CSMD3: variants seen among roughly 807,000 people sequenced by gnomAD.
CSMD3 encodes CUB and sushi domain-containing protein 3.
A neutral mutation model predicts 435.2 loss-of-function variants in CSMD3; 177 were observed. The ratio of observed to expected loss-of-function variants is 0.41; its 90% confidence interval spans 0.36 to 0.46. The LOEUF is 0.46. CSMD3 is among the 20% of genes least tolerant of loss of function. The probability of loss-of-function intolerance (pLI) is 0.34; values close to 1 mark genes in which losing one functional copy is unlikely to be tolerated. For missense variants in CSMD3, 4,265 were observed against 4,504.6 expected (o/e 0.95, Z 1.52); for synonymous variants, 1,656 against 1,520.5 (o/e 1.09, Z -2.07).
chr8:112,919,227 CAT>C (rs1378009130), intron 10 of CSMD3, among the ~76,000 whole-genome samples: 53 of 151,850 alleles, frequency 3.5e-4, no homozygotes, highest in African/African-American at 9.4e-4. Context: ...AATATGAATA[CAT>C]ATGTTATATA....
At chr8:112,975,619 A>G (rs2084816847) in intron 7 of CSMD3, among the ~76,000 whole-genome samples, 1 of 151,954 alleles carries the variant, frequency 6.6e-6, no homozygotes, top group African/African-American at 2.4e-5. Flanking sequence ...CCCCTCCAAC[A>G]TTTGCATTGC....
intron 13 of CSMD3, among the ~76,000 whole-genome samples, chr8:112,753,883 T>A (rs868291751): frequency 1.6e-4 from 25 of 152,220 alleles, no homozygotes; most frequent in Admixed American, 1.5e-3. Context: ...TTTAATTGAC[T>A]GAATCATTTT....
chr8:113,412,110 A>T (rs2094562393), intron 1 of CSMD3, among the ~76,000 whole-genome samples: 1 of 152,048 alleles, frequency 6.6e-6, no homozygotes, highest in African/African-American at 2.4e-5. Context: ...AGAGTGTTTG[A>T]TGTTATTACA....
chr8:112,807,574 C>G (rs1426613533), intron 12 of CSMD3, among the ~76,000 whole-genome samples: 1 of 151,800 alleles, frequency 6.6e-6, no homozygotes, highest in Non-Finnish European at 1.5e-5. Context: ...AATAGGAGAG[C>G]AAATTTGGAG....
intron 1 of CSMD3, among the ~76,000 whole-genome samples, chr8:113,323,870 G>A (rs2093965394): frequency 6.6e-6 from 1 of 152,090 alleles, no homozygotes; most frequent in Admixed American, 6.6e-5. Context: ...AGTTTCTCCA[G>A]TAACCTTTCT....
intron 3 of CSMD3, among the ~76,000 whole-genome samples, chr8:113,227,611 G>A (rs533021916): frequency 3.3e-5 from 5 of 151,632 alleles, no homozygotes; most frequent in African/African-American, 4.8e-5. Context: ...GTTTTCTCGC[G>A]ATAGTGAGTT....
chr8:112,971,146 T>C (rs774600618), intron 7 of CSMD3, among the ~76,000 whole-genome samples: 1 of 152,212 alleles, frequency 6.6e-6, no homozygotes, highest in Non-Finnish European at 1.5e-5. Context: ...GTGTTTCTCA[T>C]AATAAATTTG....
chr8:112,698,024 A>T (rs1006820335), intron 13 of CSMD3, among the ~76,000 whole-genome samples: 2 of 152,120 alleles, frequency 1.3e-5, no homozygotes, highest in African/African-American at 4.8e-5. Context: ...GTTAGGTGGC[A>T]GTGGCAGTGG....
In CSMD3 at chr8:112,748,402, G is replaced by T. The variant is rs1055688342; in HGVS notation, c.1972+51760C>A. Among the ~76,000 whole-genome samples the T allele has an allele frequency of 6.6e-5, 10 of 152,178 alleles. No homozygotes were observed. The East Asian group carries it at 1.9e-3, about 29-fold the overall frequency. ...GAAAGTTTGTTACATAGATAAACAG[G>T]TGTCACAGGGGTTTGTTGTACATAT... On this transcript the variant is annotated intron_variant, in intron 13 of 70. Transcript: ENST00000297405.
At chr8:113,266,323 A>T (rs1379908983) in intron 3 of CSMD3, among the ~76,000 whole-genome samples, 2 of 151,376 alleles carry the variant, frequency 1.3e-5, no homozygotes, top group African/African-American at 4.8e-5. Context: ...CAAAGATTAT[A>T]TAAGTCATGC....
intron 14 of CSMD3, among the ~76,000 whole-genome samples, chr8:112,687,950 T>C (rs911801062): frequency 6.6e-6 from 1 of 152,166 alleles, no homozygotes; most frequent in African/African-American, 2.4e-5. Context: ...CTGGAATAAT[T>C]TGATCCTATA....
intron 23 of CSMD3, among the ~76,000 whole-genome samples, chr8:112,582,834 C>G (rs7831258): frequency 6.6e-6 from 1 of 151,978 alleles, no homozygotes; most frequent in Non-Finnish European, 1.5e-5. Context: ...TAAAAGATAC[C>G]TCAAAAAACT....
At chr8:112,258,671 T>G (rs1215484136) in intron 61 of CSMD3, among the ~76,000 whole-genome samples, 2 of 152,176 alleles carry the variant, frequency 1.3e-5, no homozygotes, top group Non-Finnish European at 2.9e-5. Context: ...GCTTTTACAC[T>G]GTTGGTGGGA....
chr8:113,394,172 A>C (rs75917316), intron 1 of CSMD3, among the ~76,000 whole-genome samples: 6 of 151,112 alleles, frequency 4.0e-5, no homozygotes, highest in East Asian at 3.9e-4. Flanking sequence ...ACACACACAC[A>C]CACACACACA....
At chr8:113,359,141 G>A (rs555024724) in intron 1 of CSMD3, among the ~76,000 whole-genome samples, 1 of 152,224 alleles carries the variant, frequency 6.6e-6, no homozygotes, top group South Asian at 2.1e-4. Flanking sequence ...TTGCCTCTAA[G>A]TTTGTACGTT....
intron 4 of CSMD3, among the ~76,000 whole-genome samples, chr8:113,119,916 T>C (rs2090939522): frequency 6.6e-6 from 1 of 151,532 alleles, no homozygotes; most frequent in Non-Finnish European, 1.5e-5. Flanking sequence ...ATTATTGTCC[T>C]GGATTTTTCT....
At chr8:112,761,365 T>C (rs1465626012) in intron 13 of CSMD3, among the ~76,000 whole-genome samples, 1 of 152,170 alleles carries the variant, frequency 6.6e-6, no homozygotes, top group Non-Finnish European at 1.5e-5. Flanking sequence ...GTATGTAGAA[T>C]GTATTTTTAC....
chr8:112,481,181 C>T (rs1012292694), intron 31 of CSMD3, among the ~76,000 whole-genome samples: 1 of 151,572 alleles, frequency 6.6e-6, no homozygotes. Flanking sequence ...GATGAAGGAG[C>T]AAGACAGAAG....
intron 4 of CSMD3, among the ~76,000 whole-genome samples, chr8:113,116,126 C>T (rs1352856431): frequency 6.6e-6 from 1 of 151,932 alleles, no homozygotes; most frequent in East Asian, 1.9e-4. Flanking sequence ...AGGATTAATA[C>T]ACTAAAAAAA....
Sources: gnomAD v4.1 joint callset for allele counts (sites outside exome capture counted in the v4.1 genomes callset) on GRCh38, gnomAD v4.1.1 for gene constraint, MANE v1.5 for transcripts, NCBI Gene and HGNC (gene_info 2026-07-23, HGNC 2026-07-21) for gene names.